Variants in GRID1 observed in about 807,000 individuals in gnomAD.
GRID1 encodes the protein glutamate receptor ionotropic, delta-1.
Under a neutral mutation model 98.0 loss-of-function variants are expected in GRID1, and 28 were observed. The ratio of observed to expected loss-of-function variants is 0.29; its 90% CI spans 0.21 to 0.39. The LOEUF (loss-of-function observed/expected upper bound fraction) is 0.39. Ranked by LOEUF, GRID1 falls within the 10% of genes least tolerant of loss-of-function variation. The pLI, the probability that GRID1 is intolerant of heterozygous loss-of-function variation, is 1.00. For missense variants in GRID1, 1,111 were observed against 1,340.5 expected (o/e 0.83, Z 2.67); for synonymous variants, 553 against 538.5 (o/e 1.03, Z -0.37).
intron 15 of GRID1, among the ~76,000 whole-genome samples, chr10:85,609,614 C>T (rs575424701): frequency 6.6e-6 from 1 of 152,304 alleles, no homozygotes; most frequent in South Asian, 2.1e-4. Context: ...TGCCCACAGC[C>T]AGAACAGAGG....
At chr10:86,350,376 G>A (rs1402282767) in intron 2 of GRID1, among the ~76,000 whole-genome samples, 1 of 152,240 alleles carries the variant, frequency 6.6e-6, no homozygotes, top group African/African-American at 2.4e-5. Flanking sequence ...GGGAAGGGCA[G>A]AGGCAGGGGG....
intron 5 of GRID1, among the ~76,000 whole-genome samples, chr10:85,906,355 AATAATC>A (rs771132240): frequency 6.6e-5 from 10 of 152,162 alleles, no homozygotes; most frequent in Non-Finnish European, 1.5e-4. Context: ...AAGTAGACCA[AATAATC>A]ATAAAGGATA....
chr10:85,957,983 G>A (rs1418389063), intron 4 of GRID1, among the ~76,000 whole-genome samples: 5 of 152,176 alleles, frequency 3.3e-5, no homozygotes, highest in East Asian at 1.9e-4. Flanking sequence ...AATGGAACAC[G>A]TGAAACTCCC....
chr10:86,006,311 G>T (rs541879860), intron 4 of GRID1, among the ~76,000 whole-genome samples: 2 of 152,172 alleles, frequency 1.3e-5, no homozygotes, highest in Non-Finnish European at 2.9e-5. Context: ...AAAATTAGCT[G>T]TAGTTGTATT....
chr10:86,229,292 C>A (rs969281684), intron 2 of GRID1, among the ~76,000 whole-genome samples: 2 of 152,086 alleles, frequency 1.3e-5, no homozygotes, highest in Admixed American at 6.5e-5. Context: ...AGCTAAGGCA[C>A]CTGCTGGGGC....
At position 85,600,619 on chromosome 10, in the gene GRID1, G is replaced by T. The variant is rs1041224589; in HGVS notation, c.*1654C>A. ...TCCACCTCCTTCAGTGACAGATGTG[G>T]GCTGTGTATTCCATTCTGACGGGTC... is the stretch of plus-strand genomic sequence containing the variant. On this transcript the variant is annotated 3_prime_UTR_variant, in exon 16 of 16. Coordinates refer to ENST00000327946, the MANE Select transcript of GRID1 (RefSeq NM_017551.3). 6.6e-6 allele frequency: 1 copy of T among 152,226 alleles called. No homozygotes were observed. The highest frequency in any genetic ancestry group is 1.5e-5 in the Non-Finnish European group (1 of 68,054). The allele number at this position is 152,226 out of a possible 1,614,324, so 9.4% of individuals were successfully genotyped here.
chr10:86,330,130 A>G (rs1848117299), intron 2 of GRID1, among the ~76,000 whole-genome samples: 1 of 151,930 alleles, frequency 6.6e-6, no homozygotes, highest in South Asian at 2.1e-4. Flanking sequence ...CCAGGGCAGG[A>G]GCGCATCTCT....
intron 4 of GRID1, among the ~76,000 whole-genome samples, chr10:85,930,619 G>A (rs1841839131): frequency 6.6e-6 from 1 of 151,280 alleles, no homozygotes; most frequent in Non-Finnish European, 1.5e-5. Flanking sequence ...CTTTTATCTT[G>A]TTTTGGTATT....
intron 5 of GRID1, among the ~76,000 whole-genome samples, chr10:85,881,467 C>T (rs1473511256): frequency 1.3e-5 from 2 of 152,146 alleles, no homozygotes; most frequent in Non-Finnish European, 2.9e-5. Context: ...AGAAATAATG[C>T]CACATATCTA....
intron 2 of GRID1, among the ~76,000 whole-genome samples, chr10:86,280,961 G>A (rs1463990544): frequency 1.3e-5 from 2 of 152,132 alleles, no homozygotes; most frequent in African/African-American, 2.4e-5. Flanking sequence ...TCTAAGAAGC[G>A]CTCCCTGATT....
At chr10:86,149,311 C>A (rs759248637) in intron 3 of GRID1, among the ~76,000 whole-genome samples, 13 of 152,232 alleles carry the variant, frequency 8.5e-5, no homozygotes, top group Non-Finnish European at 1.6e-4. Context: ...GCCTTCTGCT[C>A]AGACAGGTTT....
chr10:86,293,755 G>A (rs1430404195), intron 2 of GRID1, among the ~76,000 whole-genome samples: 1 of 151,798 alleles, frequency 6.6e-6, no homozygotes, highest in African/African-American at 2.4e-5. Context: ...GGGGTGGAAT[G>A]CATTCATTCA....
At chr10:85,698,238 A>C (rs1036835150) in intron 12 of GRID1, among the ~76,000 whole-genome samples, 1 of 152,214 alleles carries the variant, frequency 6.6e-6, no homozygotes, top group Admixed American at 6.5e-5. Flanking sequence ...CCACATATCA[A>C]TTAAAAGAAT....
chr10:86,127,226 G>A (rs1465576944), intron 4 of GRID1, among the ~76,000 whole-genome samples: 4 of 152,082 alleles, frequency 2.6e-5, no homozygotes, highest in Non-Finnish European at 5.9e-5. Flanking sequence ...GTGCTTCAGG[G>A]GCAGAGACCA....
At chr10:85,768,145 T>C (rs1485853068) in intron 8 of GRID1, among the ~76,000 whole-genome samples, 1 of 152,186 alleles carries the variant, frequency 6.6e-6, no homozygotes, top group East Asian at 1.9e-4. Flanking sequence ...GTTTTTTCCA[T>C]GACCAACCCC....
At chr10:85,827,229 T>A (rs1842827903) in intron 8 of GRID1, among the ~76,000 whole-genome samples, 2 of 152,098 alleles carry the variant, frequency 1.3e-5, no homozygotes, top group African/African-American at 4.8e-5. Context: ...GTCTAAGGAA[T>A]ACAATAGAAT....
chr10:86,307,446 C>A (rs192692052), intron 2 of GRID1, among the ~76,000 whole-genome samples: 66 of 152,222 alleles, frequency 4.3e-4, no homozygotes, highest in African/African-American at 1.5e-3. Flanking sequence ...CATATAAAGA[C>A]AAATACTGCA....
intron 4 of GRID1, among the ~76,000 whole-genome samples, chr10:85,962,196 G>T (rs1465640923): frequency 6.6e-6 from 1 of 152,048 alleles, no homozygotes; most frequent in East Asian, 1.9e-4. Flanking sequence ...TCCTACAGGG[G>T]TCTGCCACCC....
intron 4 of GRID1, among the ~76,000 whole-genome samples, chr10:86,057,529 T>C (rs1843591567): frequency 6.6e-6 from 1 of 152,220 alleles, no homozygotes; most frequent in East Asian, 1.9e-4. Flanking sequence ...AACCTTTGCC[T>C]ACTCCATTGG....
Sources: allele counts gnomAD v4.1 joint callset (sites outside exome capture counted in the v4.1 genomes callset), GRCh38; gene constraint gnomAD v4.1.1; transcripts MANE v1.5; gene names NCBI Gene and HGNC (gene_info 2026-07-23, HGNC 2026-07-21).